PTPRD: variants seen among roughly 807,000 people sequenced by gnomAD.
PTPRD encodes receptor-type tyrosine-protein phosphatase delta.
In PTPRD, 34 loss-of-function variants were observed where a neutral mutation model predicts 214.5. That is an observed-to-expected ratio of 0.16 (90% CI 0.12 to 0.21). The LOEUF (loss-of-function observed/expected upper bound fraction) is 0.21, where lower values mean the gene tolerates loss of function less well. PTPRD is among the 10% of genes least tolerant of loss of function. The probability of loss-of-function intolerance (pLI) is 1.00; values close to 1 mark genes in which losing one functional copy is unlikely to be tolerated. For missense variants in PTPRD, 2,545 were observed against 2,398.7 expected, an observed-to-expected ratio of 1.06 and a Z score of -1.27; for synonymous variants, 1,128 against 845.7, an observed-to-expected ratio of 1.33 and a Z score of -5.79.
At chr9:8,695,173 G>C (rs746056312) in intron 12 of PTPRD, among the ~76,000 whole-genome samples, 3 of 152,120 alleles carry the variant, frequency 2.0e-5, no homozygotes, top group Non-Finnish European at 4.4e-5. Flanking sequence ...CACATACAGA[G>C]GAAATATTCA....
At chr9:8,708,326 G>A (rs1026350832) in intron 12 of PTPRD, among the ~76,000 whole-genome samples, 1 of 152,072 alleles carries the variant, frequency 6.6e-6, no homozygotes. Flanking sequence ...TGGTGGAAAT[G>A]TAAATTAGTA....
chr9:8,432,559 T>C (rs1404734766), intron 35 of PTPRD, among the ~76,000 whole-genome samples: 2 of 152,222 alleles, frequency 1.3e-5, no homozygotes, highest in Non-Finnish European at 2.9e-5. Flanking sequence ...GAGTAAACAT[T>C]TACTCACAGT....
At chr9:10,368,880 A>AT (rs776622444) in intron 2 of PTPRD, among the ~76,000 whole-genome samples, 16 of 152,226 alleles carry the variant, frequency 1.1e-4, no homozygotes, top group South Asian at 2.1e-4. Context: ...TAAATTAGTG[A>AT]TTTTCTTGAG....
chr9:8,606,686 T>A (rs1242790005), intron 14 of PTPRD, among the ~76,000 whole-genome samples: 1 of 152,176 alleles, frequency 6.6e-6, no homozygotes, highest in Non-Finnish European at 1.5e-5. Context: ...CTTCTGCACA[T>A]GAAAACAATG....
At chr9:9,710,047 T>C (rs865806427) in intron 7 of PTPRD, among the ~76,000 whole-genome samples, 76 of 147,758 alleles carry the variant, frequency 5.1e-4, no homozygotes, top group African/African-American at 1.8e-3. Context: ...TTTGTTTCTT[T>C]AAAAAAAAAA....
intron 9 of PTPRD, among the ~76,000 whole-genome samples, chr9:9,341,136 ATAT>A (rs1399440461): frequency 2.6e-5 from 4 of 152,098 alleles, no homozygotes; most frequent in Admixed American, 2.6e-4. Context: ...ATATATATAT[ATAT>A]ATCACAAAAT....
intron 11 of PTPRD, among the ~76,000 whole-genome samples, chr9:8,987,792 T>C (rs1008193155): frequency 6.6e-6 from 1 of 152,058 alleles, no homozygotes; most frequent in Admixed American, 6.6e-5. Flanking sequence ...ATAAACAAAA[T>C]TTAAATGGCT....
At chr9:9,236,999 T>C (rs1454904363) in intron 9 of PTPRD, among the ~76,000 whole-genome samples, 1 of 152,206 alleles carries the variant, frequency 6.6e-6, no homozygotes, top group Non-Finnish European at 1.5e-5. Flanking sequence ...TGTCTGGAAT[T>C]ACTTGTCAGA....
intron 3 of PTPRD, among the ~76,000 whole-genome samples, chr9:10,276,746 G>A (rs2094714312): frequency 2.0e-5 from 3 of 152,160 alleles, no homozygotes; most frequent in African/African-American, 4.8e-5. Context: ...CAGAACAGAA[G>A]GCCAGGTAGT....
At chr9:9,965,243 T>A (rs1310714726) in intron 4 of PTPRD, among the ~76,000 whole-genome samples, 1 of 151,896 alleles carries the variant, frequency 6.6e-6, no homozygotes, top group Admixed American at 6.6e-5. Context: ...CAGGTTGGGG[T>A]GGTTGTTAAT....
At chr9:8,369,808 C>T (rs1256393103) in intron 39 of PTPRD, among the ~76,000 whole-genome samples, 2 of 151,872 alleles carry the variant, frequency 1.3e-5, no homozygotes, top group South Asian at 2.1e-4. Flanking sequence ...ACAGCTTTTT[C>T]CCAATGTATT....
chr9:9,954,671 C>A (rs1485593733), intron 4 of PTPRD, among the ~76,000 whole-genome samples: 4 of 151,944 alleles, frequency 2.6e-5, no homozygotes, highest in African/African-American at 9.7e-5. Context: ...CATCCTTATA[C>A]ATATAAAATA....
rs905180868 is a variant in PTPRD at position 8,501,056 on chromosome 9, G to A, written c.1826C>T (p.Pro609Leu). The A allele has an allele frequency of 1.6e-5, 26 of 1,610,262 alleles. No individual in the cohort carries two copies. Among genetic ancestry groups the A allele is most frequent in the Non-Finnish European group, 2.0e-5 (24 of 1,177,242 alleles). ...EISARTMQSK[P>L]SAPPQDISCT... is the part of the protein sequence containing the mutation. ...ACTAATGTCTTGAGGAGGAGCTGAC[G>A]GCTCTTATTTTGGTAGTGAGTTAAA... The change falls in exon 24 of 46, where the codon CCG becomes CTG. Residue 609 changes from proline to leucine, a missense_variant. Pro to Leu is a moderately conservative substitution (Grantham distance 98, BLOSUM62 -3). Coordinates refer to ENST00000381196, the MANE Select transcript of PTPRD (RefSeq NM_002839.4).
chr9:10,198,178 T>C (rs2099405328), intron 3 of PTPRD, among the ~76,000 whole-genome samples: 1 of 152,130 alleles, frequency 6.6e-6, no homozygotes, highest in South Asian at 2.1e-4. Context: ...AGAGAAATAG[T>C]TGGAAGGATG....
chr9:10,466,064 G>C (rs1012321225), intron 2 of PTPRD, among the ~76,000 whole-genome samples: 2 of 152,154 alleles, frequency 1.3e-5, no homozygotes, highest in African/African-American at 2.4e-5. Flanking sequence ...ATTTGCAGTA[G>C]CTGGGGATAC....
At chr9:8,481,894 C>T (rs10125682) in intron 30 of PTPRD, among the ~76,000 whole-genome samples, 1 of 151,850 alleles carries the variant, frequency 6.6e-6, no homozygotes. Flanking sequence ...GCGATTCTCC[C>T]GCCTCAGTCT....
At chr9:8,426,303 T>G (rs1182082423) in intron 35 of PTPRD, among the ~76,000 whole-genome samples, 1 of 152,202 alleles carries the variant, frequency 6.6e-6, no homozygotes, top group Non-Finnish European at 1.5e-5. Flanking sequence ...GCGTAGCTAC[T>G]AATTGGCCCA....
chr9:8,443,141 C>G (rs1267258233), intron 34 of PTPRD, among the ~76,000 whole-genome samples: 1 of 152,082 alleles, frequency 6.6e-6, no homozygotes, highest in South Asian at 2.1e-4. Flanking sequence ...CAAGATCCTG[C>G]CTCAAAACAT....
chr9:9,816,661 C>G (rs369943095), intron 5 of PTPRD, among the ~76,000 whole-genome samples: 1 of 151,992 alleles, frequency 6.6e-6, no homozygotes, highest in Non-Finnish European at 1.5e-5. Flanking sequence ...AGACCTTTTG[C>G]GTATTCTGAA....
Sources: allele counts gnomAD v4.1 joint callset (sites outside exome capture counted in the v4.1 genomes callset), GRCh38; gene constraint gnomAD v4.1.1; transcripts MANE v1.5; gene names NCBI Gene and HGNC (gene_info 2026-07-23, HGNC 2026-07-21).